PPFIA4: variants seen among roughly 807,000 people sequenced by gnomAD.
The protein encoded by PPFIA4 is liprin-alpha-4.
Under a neutral mutation model 145.7 loss-of-function variants are expected in PPFIA4, and 98 were observed. The observed-to-expected ratio is 0.67, with a 90% CI of 0.57 to 0.80. The LOEUF (loss-of-function observed/expected upper bound fraction) is 0.80. PPFIA4 is among the 30% of genes least tolerant of loss of function. The pLI, the probability that PPFIA4 is intolerant of heterozygous loss-of-function variation, is 0.00. For missense variants in PPFIA4, 1,457 were observed against 1,632.7 expected, an observed-to-expected ratio of 0.89 and a Z score of 1.85; for synonymous variants, 628 against 649.6, an observed-to-expected ratio of 0.97 and a Z score of 0.51.
At chr1:203,050,515 C>G (rs1660429963) in intron 13 of PPFIA4, among the ~76,000 whole-genome samples, 1 of 152,138 alleles carries the variant, frequency 6.6e-6, no homozygotes, top group Non-Finnish European at 1.5e-5. Context: ...TCTCTTAGAT[C>G]AGAACCCTTG....
At chr1:203,037,255 C>T in intron 1 of PPFIA4, 1 of 271,258 alleles carries the variant, frequency 3.7e-6, no homozygotes, top group African/African-American at 2.2e-5. Context: ...AGTCCTGCCA[C>T]AGGCCTGTGC....
rs75752085 is a variant in PPFIA4 at position 203,075,324 on chromosome 1, A to G, written c.3394-253A>G. ...CAACTGCAGGATGGCAGACCCAACA[A>G]GACTCTCCCCCGCCCCACACACCCC... On this transcript the variant is annotated intron_variant, in intron 28 of 29. Coordinates refer to ENST00000295706, the MANE Select transcript of PPFIA4 (RefSeq NM_001304331.2). The surrounding 1 kb of genome is among the most constrained non-coding windows in gnomAD (Gnocchi z 4.1). 1.5e-3 allele frequency among the ~76,000 whole-genome samples: 221 copies of G among 152,222 alleles called. 4 individuals carry two copies. In the East Asian group the frequency reaches 0.034, roughly 23 times the overall value.
rs148305381 is a variant in PPFIA4 at position 203,041,995 on chromosome 1, G to A, written c.235-1402G>A. Among the ~76,000 whole-genome samples the A allele has an allele frequency of 4.6e-5, 7 of 152,298 alleles. No homozygotes were observed. The East Asian group carries it at 1.3e-3, about 29-fold the overall frequency. On this transcript the variant is annotated intron_variant, in intron 2 of 29. Coordinates refer to ENST00000295706, the MANE Select transcript of PPFIA4 (RefSeq NM_001304331.2). ...AGAGGTTCATGGTTTCTCATGCTCTGGCATCTCTTGTCCCTTCTGCCCTCC... is the reference window on the plus strand; with the variant it reads ...AGAGGTTCATGGTTTCTCATGCTCTAGCATCTCTTGTCCCTTCTGCCCTCC...
intron 1 of PPFIA4, chr1:203,034,581 T>C (rs770760222): frequency 3.3e-5 from 15 of 456,282 alleles, no homozygotes; most frequent in Non-Finnish European, 8.8e-6. Flanking sequence ...GGAAGCTGCC[T>C]ACAACTTGGT....
rs763076240 is a variant in PPFIA4, at chr1:203,055,629, G to A, written c.2027G>A (p.Arg676His). Reference sequence around the variant, plus strand: ...CGCTCCACACCTAAGCTCACCTCCCGCAGTGCTGCCCAGGACCTGGACCGA... The same window carrying A: ...CGCTCCACACCTAAGCTCACCTCCCACAGTGCTGCCCAGGACCTGGACCGA... ...SGRSTPKLTS[R>H]SAAQDLDRMG... Residue 676 changes from arginine to histidine, a missense_variant, in exon 16 of 30, where the codon CGC (arginine) becomes CAC (histidine). By Grantham distance (29) the Arg-to-His change is conservative. This residue lies in a region of PPFIA4 where 848 missense variants were observed against 1,046.7 expected (regional missense o/e 0.81). Coordinates refer to ENST00000295706, the MANE Select transcript of PPFIA4 (RefSeq NM_001304331.2). The surrounding 1 kb of genome is among the most constrained non-coding windows in gnomAD (Gnocchi z 4.8). The A allele has an allele frequency of 4.6e-5, 75 of 1,613,854 alleles. No homozygotes were observed. The highest frequency in any genetic ancestry group is 8.0e-5 in the African/African-American group (6 of 74,908).
At chr1:203,032,062 G>GTGTGTGTGTGTC (rs1255971611) in intron 1 of PPFIA4, among the ~76,000 whole-genome samples, 1 of 152,004 alleles carries the variant, frequency 6.6e-6, no homozygotes, top group Non-Finnish European at 1.5e-5. Context: ...GTGTGTGTGT[G>GTGTGTGTGTGTC]TGTGTGTGTT....
At chr1:203,059,405 T>G in intron 20 of PPFIA4, 134 bp downstream of exon 20, 1 of 778,390 alleles carries the variant, frequency 1.3e-6, no homozygotes, top group Non-Finnish European at 2.1e-6. Context: ...GTTGGTCTGG[T>G]CCATGTGGGC....
chr1:203,049,675 G>T lies in PPFIA4; in HGVS notation c.1420-1G>T, dbSNP rs1420747358. 6.8e-7 allele frequency: 1 copy of T among 1,476,548 alleles called. No homozygotes were observed. The highest frequency in any genetic ancestry group is 9.1e-7 in the Non-Finnish European group (1 of 1,102,132). The allele number at this position is 1,476,548 out of a possible 1,614,324, so 91.5% of individuals were successfully genotyped here. ...CCCCCACCCCGGGTCTGCTGGCACA[G>T]GGCCGCCTGTCTGAAGAGATTGAGA... On this transcript the variant is annotated splice_acceptor_variant, in intron 12 of 29. Transcript: ENST00000295706. LOFTEE classifies it high-confidence loss of function.
At chr1:203,062,699 T>C (rs1162688180) in intron 24 of PPFIA4, among the ~76,000 whole-genome samples, 3 of 151,706 alleles carry the variant, frequency 2.0e-5, no homozygotes, top group Non-Finnish European at 4.4e-5. Flanking sequence ...AGCCATAGGG[T>C]GTGAAATGAA....
chr1:203,062,837 A>C (rs914150385), intron 24 of PPFIA4: 2 of 152,266 alleles, frequency 1.3e-5, no homozygotes, highest in African/African-American at 4.8e-5. Flanking sequence ...TTTTACAACC[A>C]AAGGAATAGT....
intron 6 of PPFIA4, 53 bp from the exon 7 acceptor site, chr1:203,045,315 G>A (rs948906478): frequency 3.4e-6 from 5 of 1,456,770 alleles, no homozygotes; most frequent in Non-Finnish European, 2.8e-6. Context: ...TAGGGGAGTG[G>A]GGTGGGTGGG....
Position 203,076,588 on chromosome 1 carries a change from C to G in PPFIA4, c.*198C>G, listed in dbSNP as rs183281239. On this transcript the variant is annotated 3_prime_UTR_variant, in exon 30 of 30. Transcript: ENST00000295706. ...TCCCACCGTGTGTCCGTTGTAAGTC[C>G]GGTGGATGTGGCTGGGGTTTCCTGG... 397 of 603,564 alleles carry G rather than the reference C, an allele frequency of 6.6e-4. No homozygotes were observed. The African/African-American group carries it at 6.6e-3, about 10-fold the overall frequency. The allele number at this position is 603,564 out of a possible 1,614,324, so 37.4% of individuals were successfully genotyped here.
intron 25 of PPFIA4, chr1:203,067,392 C>CACA (rs1661796882): frequency 2.9e-6 from 1 of 346,672 alleles, no homozygotes; most frequent in East Asian, 5.4e-5. Flanking sequence ...GGGTCTTTGT[C>CACA]GTTCCAGTGC....
intron 14 of PPFIA4, among the ~76,000 whole-genome samples, chr1:203,053,069 A>G (rs1430504024): frequency 6.6e-6 from 1 of 152,214 alleles, no homozygotes; most frequent in Non-Finnish European, 1.5e-5. Flanking sequence ...GTACTTTACC[A>G]TCCCTATTTT....
rs1208947810 is a variant in PPFIA4 at position 203,055,304 on chromosome 1, G to T, written c.1830-128G>T. The T allele has an allele frequency of 7.2e-6, 9 of 1,249,490 alleles. No homozygotes were observed. The highest frequency in any genetic ancestry group is 4.1e-5 in the South Asian group (3 of 73,090). 77.4% of individuals were successfully genotyped at this position (1,249,490 alleles called of 1,614,324 possible). ...GAGATGTGTTTCTAAGCTCCAGTGG[G>T]ACAGACAAAGCCTGGCGGGTGTACA... is the stretch of plus-strand genomic sequence containing the variant. On this transcript the variant is annotated intron_variant, in intron 15 of 29. Coordinates refer to ENST00000295706, the MANE Select transcript of PPFIA4 (RefSeq NM_001304331.2). The surrounding 1 kb of genome is among the most constrained non-coding windows in gnomAD (Gnocchi z 4.8).
rs138188428 is a variant in PPFIA4, at chr1:203,071,286, C to A, written c.3325-406C>A. On this transcript the variant is annotated intron_variant, in intron 27 of 29. Transcript: ENST00000295706. ...CCGGGTTCAAGCAATTCTCCTGCCTCAGCCTCCCGAGTAGCTGGGACTACA... is the reference window on the plus strand; with the variant it reads ...CCGGGTTCAAGCAATTCTCCTGCCTAAGCCTCCCGAGTAGCTGGGACTACA... Among the ~76,000 whole-genome samples the A allele has an allele frequency of 1.3e-3, 198 of 151,628 alleles. 6 individuals are homozygous for A. The East Asian group carries it at 0.036, about 28-fold the overall frequency.
intron 28 of PPFIA4, among the ~76,000 whole-genome samples, chr1:203,074,044 T>C (rs1381116487): frequency 6.6e-6 from 1 of 151,998 alleles, no homozygotes; most frequent in African/African-American, 2.4e-5. Context: ...TTCTGCCCCA[T>C]GGAGCATAGA....
chr1:203,046,087 AG>A, intron 8 of PPFIA4, 100 bp downstream of exon 8: 2 of 1,552,500 alleles, frequency 1.3e-6, no homozygotes, highest in Non-Finnish European at 1.8e-6. Flanking sequence ...GGGGTCCTGC[AG>A]GTCACCCTTT....
At position 203,055,622 on chromosome 1, in the gene PPFIA4, A is replaced by T; in HGVS notation, c.2020A>T (p.Thr674Ser). Residue 674 changes from threonine to serine, a missense_variant, in exon 16 of 30, where the codon ACC becomes TCC. Around this residue, in one of 3 missense-constraint regions of PPFIA4, gnomAD observed 848 missense variants for 1,046.7 expected, o/e 0.81. Transcript: ENST00000295706. This position sits in a 1 kb window ranked among gnomAD's most constrained non-coding sequence, Gnocchi z 4.8. ...PLSGRSTPKL[T>S]SRSAAQDLDR... ...CAGCGGCCGCTCCACACCTAAGCTC[A>T]CCTCCCGCAGTGCTGCCCAGGACCT... is the stretch of plus-strand genomic sequence containing the variant. 6.2e-7 allele frequency: 1 copy of T among 1,613,508 alleles called. No homozygotes were observed. The highest frequency in any genetic ancestry group is 8.5e-7 in the Non-Finnish European group (1 of 1,179,788).
Sources: allele counts gnomAD v4.1 joint callset (sites outside exome capture counted in the v4.1 genomes callset), GRCh38; gene constraint gnomAD v4.1.1; regional missense constraint gnomAD v4.1.1; non-coding constraint Gnocchi (gnomAD v3.1); transcripts MANE v1.5; gene names NCBI Gene and HGNC (gene_info 2026-07-23, HGNC 2026-07-21).